The following MEGF11 variants were observed in gnomAD, a reference collection of about 807,000 sequenced individuals.
The protein encoded by MEGF11 is multiple epidermal growth factor-like domains protein 11.
MEGF11 carries 126 observed loss-of-function variants against 146.6 expected under a neutral mutation model. That is an observed-to-expected ratio of 0.86 (90% CI 0.74 to 1.00). MEGF11 has a LOEUF of 1.00. Among genes scored for constraint, MEGF11 ranks in the 50% least tolerant of loss-of-function variants. The pLI, the probability that MEGF11 is intolerant of heterozygous loss-of-function variation, is 0.00. For missense variants in MEGF11, 1,509 were observed against 1,521.2 expected (o/e 0.99, Z 0.13); for synonymous variants, 532 against 583.4 (o/e 0.91, Z 1.27).
At chr15:66,144,667 A>C (rs1310166110) in intron 1 of MEGF11, among the ~76,000 whole-genome samples, 1 of 152,198 alleles carries the variant, frequency 6.6e-6, no homozygotes, top group Non-Finnish European at 1.5e-5. Context: ...AGAGAGGTTC[A>C]TAGCTCCCCC....
chr15:66,066,681 A>AG (rs1186660245), intron 5 of MEGF11, among the ~76,000 whole-genome samples: 1 of 152,168 alleles, frequency 6.6e-6, no homozygotes, highest in Non-Finnish European at 1.5e-5. Context: ...CCACACCCCT[A>AG]GGGGGGCTGG....
chr15:66,157,413 TCACGG>T (rs1381603249), intron 1 of MEGF11, among the ~76,000 whole-genome samples: 1 of 152,226 alleles, frequency 6.6e-6, no homozygotes, highest in Non-Finnish European at 1.5e-5. Flanking sequence ...ACACCCCATG[TCACGG>T]CAGCTACAAG....
At chr15:66,147,995 G>C (rs1019380848) in intron 1 of MEGF11, among the ~76,000 whole-genome samples, 6 of 152,196 alleles carry the variant, frequency 3.9e-5, no homozygotes, top group Non-Finnish European at 7.4e-5. Flanking sequence ...AAGAATGCAT[G>C]GGAGCAATAT....
At chr15:66,230,468 G>A (rs1597164741) in intron 1 of MEGF11, among the ~76,000 whole-genome samples, 1 of 152,204 alleles carries the variant, frequency 6.6e-6, no homozygotes, top group Admixed American at 6.5e-5. Context: ...TGTGACTAGA[G>A]ACAGTAATAA....
chr15:66,160,707 C>CACACACACA lies in MEGF11; in HGVS notation c.-8-32297_-8-32296insTGTGTGTGT, dbSNP rs1555477714. Among the ~76,000 whole-genome samples, 426 of 88,218 alleles carry CACACACACA rather than the reference C, an allele frequency of 4.8e-3. 6 individuals carry two copies. The highest frequency in any genetic ancestry group is 0.015 in the African/African-American group (389 of 26,302). 57.9% of individuals were successfully genotyped at this position (88,218 alleles called of 152,430 possible). A position where few individuals can be genotyped will look rare whatever the true frequency, so the allele number is the denominator to read the frequency against. On this transcript the variant is annotated intron_variant, in intron 1 of 25. Transcript: ENST00000395614. ...CACACACACACACACACACACACAC[C>CACACACACA]CTTGCCCTAGGAATTTATTCCTGCC...
intron 1 of MEGF11, among the ~76,000 whole-genome samples, chr15:66,223,260 T>C (rs1248583339): frequency 2.0e-5 from 3 of 152,102 alleles, no homozygotes; most frequent in Non-Finnish European, 4.4e-5. Context: ...TATTGTATGA[T>C]TCCATTTATA....
intron 5 of MEGF11, among the ~76,000 whole-genome samples, chr15:65,992,536 T>C (rs887028481): frequency 2.0e-5 from 3 of 151,766 alleles, no homozygotes; most frequent in African/African-American, 7.3e-5. Context: ...AATTAGCAGA[T>C]CTGGAAGCCA....
chr15:66,130,339 G>A (rs958282858), intron 1 of MEGF11, among the ~76,000 whole-genome samples: 45 of 152,174 alleles, frequency 3.0e-4, no homozygotes, highest in African/African-American at 1.0e-3. Context: ...AATGCCAGCT[G>A]TAGGGGATGC....
rs1235646302 is a variant in MEGF11 at position 65,913,993 on chromosome 15, C to T, written c.2474-20G>A. ...GGGCAGCTGCGGGCAGAGGGAGGGC[C>T]TGAGCCTGGGGCTGGCCTTCTTGCG... On this transcript the variant is annotated intron_variant, in intron 19 of 25. Transcript: ENST00000395614. The T allele has an allele frequency of 1.9e-6, 3 of 1,606,102 alleles. No individual in the cohort carries two copies. The highest frequency in any genetic ancestry group is 4.5e-5 in the East Asian group (2 of 44,776).
chr15:65,906,067 C>T lies in MEGF11; in HGVS notation c.3055+18G>A. 1.3e-6 allele frequency: 2 copies of T among 1,599,820 alleles called. No homozygotes were observed. Among genetic ancestry groups the T allele is most frequent in the South Asian group, 1.1e-5 (1 of 89,056 alleles). ...TGCTAAGCCCTCTGTAATAAGACAGCAGGATTGGATACTCTACCTTTGAAG... is the reference window on the plus strand; with the variant it reads ...TGCTAAGCCCTCTGTAATAAGACAGTAGGATTGGATACTCTACCTTTGAAG... On this transcript the variant is annotated intron_variant, in intron 24 of 25. Coordinates refer to ENST00000395614, the MANE Select transcript of MEGF11 (RefSeq NM_001385028.1).
At chr15:65,900,143 C>A (rs2078459593) in intron 24 of MEGF11, among the ~76,000 whole-genome samples, 1 of 152,194 alleles carries the variant, frequency 6.6e-6, no homozygotes. Flanking sequence ...GATCTAGACA[C>A]AAGCACTGAG....
chr15:66,042,196 T>G (rs2140301153), intron 5 of MEGF11, among the ~76,000 whole-genome samples: 1 of 151,886 alleles, frequency 6.6e-6, no homozygotes, highest in South Asian at 2.1e-4. Flanking sequence ...CTGCAAACTT[T>G]GCCTCCCAGG....
chr15:66,116,087 A>G (rs28465418), intron 4 of MEGF11, among the ~76,000 whole-genome samples: 3,581 of 152,036 alleles, frequency 0.024, 142 homozygotes, highest in African/African-American at 0.081. Context: ...CAGCCTCCTC[A>G]CCGCCCACCT....
At chr15:66,021,152 C>G (rs1267807198) in intron 5 of MEGF11, among the ~76,000 whole-genome samples, 1 of 152,098 alleles carries the variant, frequency 6.6e-6, no homozygotes, top group Admixed American at 6.5e-5. Flanking sequence ...CAGGGGCCTG[C>G]AGGGACAACG....
intron 5 of MEGF11, among the ~76,000 whole-genome samples, chr15:65,991,666 G>T (rs1331658356): frequency 6.6e-6 from 1 of 152,212 alleles, no homozygotes; most frequent in Non-Finnish European, 1.5e-5. Flanking sequence ...AGGTGAAGTT[G>T]AGAGTCATAT....
intron 1 of MEGF11, among the ~76,000 whole-genome samples, chr15:66,182,716 ATCT>A (rs1237908718): frequency 6.6e-6 from 1 of 152,166 alleles, no homozygotes; most frequent in African/African-American, 2.4e-5. Flanking sequence ...AACTATTCAG[ATCT>A]TCTGCCTGAC....
chr15:66,167,511 G>A (rs2090128893), intron 1 of MEGF11, among the ~76,000 whole-genome samples: 1 of 152,168 alleles, frequency 6.6e-6, no homozygotes, highest in African/African-American at 2.4e-5. Flanking sequence ...CAGGCATGGT[G>A]GCGCCGGCCT....
At chr15:66,043,170 T>G (rs8026839) in intron 5 of MEGF11, among the ~76,000 whole-genome samples, 8,818 of 152,282 alleles carry the variant, frequency 0.058, 442 homozygotes, top group African/African-American at 0.13. Context: ...TGGGTCTGAG[T>G]CTTATTCCCT....
At chr15:66,151,180 G>C (rs947678532) in intron 1 of MEGF11, among the ~76,000 whole-genome samples, 3 of 152,070 alleles carry the variant, frequency 2.0e-5, no homozygotes, top group Admixed American at 6.5e-5. Context: ...TAAAACACAG[G>C]CTGCATGCGG....
Sources: gnomAD v4.1 joint callset for allele counts (sites outside exome capture counted in the v4.1 genomes callset) on GRCh38, gnomAD v4.1.1 for gene constraint, MANE v1.5 for transcripts, NCBI Gene and HGNC (gene_info 2026-07-23, HGNC 2026-07-21) for gene names.